ADAMTSL1: variants seen among roughly 807,000 people sequenced by gnomAD.
ADAMTSL1 encodes ADAMTS-like protein 1.
ADAMTSL1 carries 126 observed loss-of-function variants against 201.8 expected under a neutral mutation model. That is an observed-to-expected ratio of 0.62 (90% CI 0.54 to 0.72). ADAMTSL1 has a LOEUF of 0.72. ADAMTSL1 is among the 30% of genes least tolerant of loss of function. ADAMTSL1 has a pLI of 0.00. For missense variants in ADAMTSL1, 2,679 were observed against 2,277.8 expected (o/e 1.18, Z -3.59); for synonymous variants, 1,121 against 903.4 (o/e 1.24, Z -4.32).
intron 2 of ADAMTSL1, among the ~76,000 whole-genome samples, chr9:18,279,937 C>G (rs1486607983): frequency 6.6e-6 from 1 of 151,652 alleles, no homozygotes; most frequent in Non-Finnish European, 1.5e-5. Flanking sequence ...AGACCTAGGT[C>G]CTCAATCCAC....
At chr9:18,297,945 T>G (rs1833538840) in intron 2 of ADAMTSL1, among the ~76,000 whole-genome samples, 2 of 152,210 alleles carry the variant, frequency 1.3e-5, no homozygotes, top group African/African-American at 4.8e-5. Context: ...TTGGCAGCAT[T>G]TATCATTCAG....
chr9:18,385,109 C>A (rs1837737628), intron 2 of ADAMTSL1, among the ~76,000 whole-genome samples: 1 of 152,146 alleles, frequency 6.6e-6, no homozygotes, highest in African/African-American at 2.4e-5. Context: ...ACATTACAAG[C>A]AAAATTTGGA....
At chr9:18,085,485 A>ATATATATATATATATACTGTGTGTG (rs1491085015) in intron 1 of ADAMTSL1, among the ~76,000 whole-genome samples, 1 of 36,054 alleles carries the variant, frequency 2.8e-5, no homozygotes, top group East Asian at 7.1e-4. Context: ...GTGTGTGCAT[A>ATATATATATATATATACTGTGTGTG]TATATATATA....
intron 1 of ADAMTSL1, among the ~76,000 whole-genome samples, chr9:17,952,929 TCCTCCTCCTCCTCC>T: frequency 4.1e-5 from 1 of 24,420 alleles, no homozygotes; most frequent in African/African-American, 1.1e-4. Flanking sequence ...CTCCTCCTCC[TCCTCCTCCTCCTCC>T]TCCTCCTCCT....
chr9:18,437,608 G>C (rs528922252), intron 2 of ADAMTSL1, among the ~76,000 whole-genome samples: 1 of 151,930 alleles, frequency 6.6e-6, no homozygotes, highest in Non-Finnish European at 1.5e-5. Context: ...TAGCTAACTG[G>C]CTTTCTAGGG....
Position 18,593,582 on chromosome 9 carries a change from TA to T in ADAMTSL1, c.474+19317del, listed in dbSNP as rs576471726. ...TTAGTACTGCTTATACTGTATCCCATATATTTTGTTATGTCATGTTTTCATT... is the reference window on the plus strand; with the variant it reads ...TTAGTACTGCTTATACTGTATCCCATTATTTTGTTATGTCATGTTTTCATT... On this transcript the variant is annotated intron_variant, in intron 4 of 28. Coordinates refer to ENST00000380548, the MANE Select transcript of ADAMTSL1 (RefSeq NM_001040272.6). Among the ~76,000 whole-genome samples the T allele has an allele frequency of 2.5e-3, 380 of 152,208 alleles. 4 individuals carry two copies. The highest frequency in any genetic ancestry group is 8.7e-3 in the African/African-American group (362 of 41,564).
At chr9:18,846,997 C>A (rs2131350886) in intron 23 of ADAMTSL1, among the ~76,000 whole-genome samples, 1 of 152,286 alleles carries the variant, frequency 6.6e-6, no homozygotes, top group African/African-American at 2.4e-5. Flanking sequence ...GTGTGTAATG[C>A]AGAATGTGTA....
chr9:18,482,549 T>C (rs1446297224), intron 1 of ADAMTSL1, among the ~76,000 whole-genome samples: 1 of 152,144 alleles, frequency 6.6e-6, no homozygotes. Flanking sequence ...ACCTAAGACA[T>C]CCTGACATAA....
At chr9:17,992,384 T>G (rs922707847) in intron 1 of ADAMTSL1, among the ~76,000 whole-genome samples, 2 of 152,208 alleles carry the variant, frequency 1.3e-5, no homozygotes, top group African/African-American at 4.8e-5. Flanking sequence ...TTCACATTGG[T>G]TAACTTTAGC....
intron 5 of ADAMTSL1, among the ~76,000 whole-genome samples, chr9:18,625,048 T>A (rs1383580902): frequency 6.6e-6 from 1 of 152,178 alleles, no homozygotes; most frequent in East Asian, 1.9e-4. Context: ...TTCCATCTTA[T>A]ATTTACAGAC....
intron 2 of ADAMTSL1, among the ~76,000 whole-genome samples, chr9:18,204,500 T>C (rs924587820): frequency 6.6e-6 from 1 of 152,152 alleles, no homozygotes; most frequent in African/African-American, 2.4e-5. Flanking sequence ...CAGTTCTTCA[T>C]AGTAGTATGA....
At chr9:18,445,372 A>T (rs181960749) in intron 2 of ADAMTSL1, among the ~76,000 whole-genome samples, 3 of 152,276 alleles carry the variant, frequency 2.0e-5, no homozygotes, top group East Asian at 3.9e-4. Flanking sequence ...TGAACCTTGA[A>T]CTTGATAAGA....
At chr9:17,981,698 C>T (rs546724532) in intron 1 of ADAMTSL1, among the ~76,000 whole-genome samples, 2 of 152,172 alleles carry the variant, frequency 1.3e-5, no homozygotes, top group African/African-American at 4.8e-5. Flanking sequence ...GCTGCTTGCA[C>T]TTGTGGTATA....
At position 17,927,995 on chromosome 9, in the gene ADAMTSL1, CTTTTT is replaced by C. The variant is rs71333019; in HGVS notation, c.87+21086_87+21090del. Among the ~76,000 whole-genome samples the C allele has an allele frequency of 4.8e-4, 72 of 149,692 alleles. No homozygotes were observed. In the South Asian group the frequency reaches 0.01, roughly 22 times the overall value. ...TCTTTTTCTTTTCTTTTCTTTCTTT[CTTTTT>C]TTTTTTTTTTTTGAGACAGGGTCTT... On this transcript the variant is annotated intron_variant, in intron 1 of 29. Coordinates refer to the ADAMTSL1 transcript ENST00000680146.
At chr9:18,503,417 TTG>T (rs1437008025) in intron 1 of ADAMTSL1, among the ~76,000 whole-genome samples, 1 of 62,316 alleles carries the variant, frequency 1.6e-5, no homozygotes, top group African/African-American at 5.2e-5. Context: ...TAGTATTCCA[TTG>T]TGTATATATA....
At chr9:18,455,584 A>G (rs910283263) in intron 2 of ADAMTSL1, among the ~76,000 whole-genome samples, 2 of 152,092 alleles carry the variant, frequency 1.3e-5, no homozygotes, top group Non-Finnish European at 2.9e-5. Flanking sequence ...TAAAGAGCTT[A>G]TAAGTTGCTA....
chr9:17,932,095 T>C (rs1347420072), intron 1 of ADAMTSL1, among the ~76,000 whole-genome samples: 22 of 152,178 alleles, frequency 1.4e-4, no homozygotes, highest in Admixed American at 1.4e-3. Context: ...CCAGATTTTG[T>C]TGTGGGTCTT....
At chr9:18,359,455 G>T (rs1156733066) in intron 2 of ADAMTSL1, among the ~76,000 whole-genome samples, 1 of 152,178 alleles carries the variant, frequency 6.6e-6, no homozygotes, top group East Asian at 1.9e-4. Context: ...CCACATTAAA[G>T]GAGAACAAAG....
intron 1 of ADAMTSL1, among the ~76,000 whole-genome samples, chr9:18,112,767 C>G (rs1432047753): frequency 1.3e-5 from 2 of 152,254 alleles, no homozygotes; most frequent in South Asian, 2.1e-4. Context: ...TCCCCCTCTA[C>G]CATGTAAATG....
Sources: gnomAD v4.1 joint callset for allele counts (sites outside exome capture counted in the v4.1 genomes callset) on GRCh38, gnomAD v4.1.1 for gene constraint, MANE v1.5 for transcripts, NCBI Gene and HGNC (gene_info 2026-07-23, HGNC 2026-07-21) for gene names.